MSL1: variants seen among roughly 807,000 people sequenced by gnomAD.
MSL1 encodes male-specific lethal 1 homolog.
A neutral mutation model predicts 64.6 loss-of-function variants in MSL1; 21 were observed. That is an observed-to-expected ratio of 0.33 (90% CI 0.23 to 0.47). The LOEUF (loss-of-function observed/expected upper bound fraction) is 0.47, where lower values mean the gene tolerates loss of function less well. MSL1 is among the 20% of genes least tolerant of loss of function. The pLI is 1.00. For missense variants in MSL1, 664 were observed against 793.2 expected, an observed-to-expected ratio of 0.84 and a Z score of 1.96; for synonymous variants, 339 against 329.6, an observed-to-expected ratio of 1.03 and a Z score of -0.31.
rs1988194083 is a variant in MSL1 at position 40,122,349 on chromosome 17, G to GGCGAAGGCGGCGGCGGCGGCA, written c.-261_-241dup. 4.6e-6 allele frequency: 1 copy of GGCGAAGGCGGCGGCGGCGGCA among 216,400 alleles called. No individual in the cohort carries two copies. Among genetic ancestry groups the GGCGAAGGCGGCGGCGGCGGCA allele is most frequent in the Non-Finnish European group, 8.9e-6 (1 of 111,854 alleles). 13.4% of individuals were successfully genotyped at this position (216,400 alleles called of 1,614,324 possible). ...GCTGGGTGCGAGCTCCTGCCTCTGA[G>GGCGAAGGCGGCGGCGGCGGCA]GCGAAGGCGGCGGCGGCGGCAGCAG... On this transcript the variant is annotated 5_prime_UTR_variant, in exon 1 of 9. Transcript: ENST00000398532. This position sits in a 1 kb window ranked among gnomAD's most constrained non-coding sequence, Gnocchi z 4.2.
intron 5 of MSL1, among the ~76,000 whole-genome samples, chr17:40,132,392 C>T (rs561200222): frequency 6.6e-6 from 1 of 152,284 alleles, no homozygotes; most frequent in East Asian, 1.9e-4. Context: ...AATCCCAGCA[C>T]TTTGGGAGGC....
At chr17:40,133,293 T>C in intron 6 of MSL1, 184 bp downstream of exon 6, 1 of 734,738 alleles carries the variant, frequency 1.4e-6, no homozygotes, top group South Asian at 1.9e-5. Flanking sequence ...GGTAAACATG[T>C]TTGGCCTCTT....
In MSL1 at chr17:40,122,783, C is replaced by T. The variant is rs117827273; in HGVS notation, c.171C>T (p.Pro57=). Residue 57 remains proline, a synonymous_variant, in exon 1 of 9, where the codon CCC becomes CCT. Coordinates refer to ENST00000398532, the MANE Select transcript of MSL1 (RefSeq NM_001365919.1). The surrounding 1 kb of genome is among the most constrained non-coding windows in gnomAD (Gnocchi z 4.2). ...PRHRKLKEPG[P]PLASSQGGSP... is the part of the protein sequence containing the mutation. ...ACCGTAAGCTCAAGGAGCCGGGGCCCCCGCTGGCCTCCTCCCAGGGCGGGA... is the reference window on the plus strand; with the variant it reads ...ACCGTAAGCTCAAGGAGCCGGGGCCTCCGCTGGCCTCCTCCCAGGGCGGGA... 8.0e-6 allele frequency: 11 copies of T among 1,375,842 alleles called. No homozygotes were observed. The East Asian group carries it at 3.0e-4, about 38-fold the overall frequency. 85.2% of individuals were successfully genotyped at this position (1,375,842 alleles called of 1,614,324 possible).
chr17:40,133,053 C>T lies in MSL1; in HGVS notation c.1500C>T (p.Asp500=). The T allele has an allele frequency of 6.2e-7, 1 of 1,610,986 alleles. No individual in the cohort carries two copies. The highest frequency in any genetic ancestry group is 8.5e-7 in the Non-Finnish European group (1 of 1,178,606). Residue 500 remains aspartate (D), a synonymous_variant, in exon 6 of 9, where the codon GAC becomes GAT. Transcript: ENST00000398532. ...TTTTCTTTACACAGAACCTGGATGA[C>T]AGTGTGTTTTCGAAGCGGCATGCAA... The part of the protein sequence containing the change: ...NPSDLLENLD[D]SVFSKRHAKL...
chr17:40,136,684 G>A lies in MSL1; in HGVS notation c.*2315G>A, dbSNP rs1455683464. ...TTATGCCCATTTCATATTGTTGTCT[G>A]TGTTGTAATTCATAACTTTTGATAC... is the stretch of plus-strand genomic sequence containing the variant. On this transcript the variant is annotated 3_prime_UTR_variant, in exon 9 of 9. Transcript: ENST00000398532. The A allele has an allele frequency of 6.6e-6, 1 of 152,258 alleles. No homozygotes were observed. The highest frequency in any genetic ancestry group is 1.5e-5 in the Non-Finnish European group (1 of 68,022). The allele number at this position is 152,258 out of a possible 1,614,324, so 9.4% of individuals were successfully genotyped here.
intron 1 of MSL1, 108 bp downstream of exon 1, chr17:40,123,488 G>A (rs1988241103): frequency 9.4e-7 from 1 of 1,062,726 alleles, no homozygotes; most frequent in Admixed American, 2.6e-5. Context: ...GGTAAAGGAG[G>A]TTGGCCACCG....
intron 2 of MSL1, 118 bp from the exon 3 acceptor site, chr17:40,129,127 G>C: frequency 1.2e-6 from 1 of 859,334 alleles, no homozygotes; most frequent in African/African-American, 1.7e-5. Context: ...TTAGGTACCT[G>C]AATACTTGTC....
rs150107977 is a variant in MSL1 at position 40,135,353 on chromosome 17, T to A, written c.*984T>A. 4.6e-5 allele frequency: 7 copies of A among 152,324 alleles called. No homozygotes were observed. Among genetic ancestry groups the A allele is most frequent in the African/African-American group, 1.4e-4 (6 of 41,444 alleles). The allele number at this position is 152,324 out of a possible 1,614,324, so 9.4% of individuals were successfully genotyped here. On this transcript the variant is annotated 3_prime_UTR_variant, in exon 9 of 9. Coordinates refer to ENST00000398532, the MANE Select transcript of MSL1 (RefSeq NM_001365919.1). ...ATTCACTTTGTAAAAATAATTTGTATGTGTACCATCTTGGTCCTCTCCCCT... is the reference window on the plus strand; with the variant it reads ...ATTCACTTTGTAAAAATAATTTGTAAGTGTACCATCTTGGTCCTCTCCCCT...
At chr17:40,126,148 G>T in intron 1 of MSL1, 35 bp from the exon 2 acceptor site, 1 of 1,588,740 alleles carries the variant, frequency 6.3e-7, no homozygotes, top group Non-Finnish European at 8.6e-7. Context: ...AATTTTTTAT[G>T]TGTTAAGTCT....
Position 40,134,334 on chromosome 17 carries a change from A to C in MSL1, c.1810A>C (p.Lys604Gln), listed in dbSNP as rs2145137531. 2 of 1,557,438 alleles carry C rather than the reference A, an allele frequency of 1.3e-6. No homozygotes were observed. Among genetic ancestry groups the C allele is most frequent in the African/African-American group, 1.4e-5 (1 of 73,462 alleles). The change falls in exon 9 of 9, where the codon AAG becomes CAG. Residue 604 changes from lysine to glutamine, a missense_variant. Around this residue, in one of 4 missense-constraint regions of MSL1, gnomAD observed 76 missense variants for 98.5 expected, o/e 0.77. Transcript: ENST00000398532. ...ERSRCRLEIQ[K>Q]KQTPHRTCRK ...TAGCCGATGCAGATTGGAGATCCAG[A>C]AGAAGCAAACACCTCACCGGACGTG...
intron 5 of MSL1, 51 bp from the exon 6 acceptor site, chr17:40,132,991 G>GT (rs752935363): frequency 4.6e-6 from 7 of 1,512,280 alleles, no homozygotes; most frequent in Non-Finnish European, 6.3e-6. Flanking sequence ...GTATATGTGT[G>GT]TAACTAATAT....
Sources: allele counts gnomAD v4.1 joint callset (sites outside exome capture counted in the v4.1 genomes callset), GRCh38; gene constraint gnomAD v4.1.1; regional missense constraint gnomAD v4.1.1; non-coding constraint Gnocchi (gnomAD v3.1); transcripts MANE v1.5; gene names NCBI Gene and HGNC (gene_info 2026-07-23, HGNC 2026-07-21).